Variants in SLC35F2 observed in about 807,000 individuals in gnomAD.
SLC35F2 encodes queuine/queuosine transporter SLC35F2.
A neutral mutation model predicts 38.1 loss-of-function variants in SLC35F2; 25 were observed. The observed-to-expected ratio is 0.66, with a 90% CI of 0.48 to 0.92. The LOEUF is 0.92. Ranked by LOEUF, SLC35F2 falls within the 40% of genes least tolerant of loss-of-function variation. The pLI is 0.00. For missense variants in SLC35F2, 409 were observed against 452.9 expected, an observed-to-expected ratio of 0.90 and a Z score of 0.88; for synonymous variants, 173 against 181.7, an observed-to-expected ratio of 0.95 and a Z score of 0.38.
At chr11:107,807,302 A>G (rs1412996860) in intron 3 of SLC35F2, among the ~76,000 whole-genome samples, 1 of 143,984 alleles carries the variant, frequency 6.9e-6, no homozygotes, top group African/African-American at 2.6e-5. Flanking sequence ...ACAAAAAAAA[A>G]CCTTGGGTGT....
At chr11:107,805,246 C>A (rs1859373246) in intron 5 of SLC35F2, 113 bp downstream of exon 5, 1 of 1,402,670 alleles carries the variant, frequency 7.1e-7, no homozygotes, top group Non-Finnish European at 9.4e-7. Context: ...CTTGCATCCA[C>A]CTAATACTAA....
Position 107,831,572 on chromosome 11 carries a change from G to A in SLC35F2, c.111-15607C>T, listed in dbSNP as rs77426860. On this transcript the variant is annotated intron_variant, in intron 1 of 7. Transcript: ENST00000525815. ...GCAAGGCAGATACAAAATTATCTTC[G>A]TGAAGTGGGGGGACATGTAATTTCT... Among the ~76,000 whole-genome samples, 1,468 of 152,078 alleles carry A rather than the reference G, an allele frequency of 9.7e-3. 24 individuals carry two copies. Among genetic ancestry groups the A allele is most frequent in the African/African-American group, 0.032 (1,337 of 41,356 alleles).
At chr11:107,836,780 G>A (rs1591204119) in intron 1 of SLC35F2, among the ~76,000 whole-genome samples, 1 of 152,148 alleles carries the variant, frequency 6.6e-6, no homozygotes, top group Admixed American at 6.5e-5. Flanking sequence ...TATTAAATTG[G>A]TGTTGTTTTA....
intron 7 of SLC35F2, among the ~76,000 whole-genome samples, chr11:107,798,675 T>C (rs757327894): frequency 6.6e-5 from 10 of 152,198 alleles, no homozygotes; most frequent in Non-Finnish European, 1.5e-5. Flanking sequence ...GCGTAAAAAA[T>C]TCTGAGCCTC....
chr11:107,809,675 T>G (rs1158270248), intron 3 of SLC35F2: 2 of 982,644 alleles, frequency 2.0e-6, no homozygotes, highest in African/African-American at 3.5e-5. Flanking sequence ...CTTCTCTGTT[T>G]CAGTTCGAAG....
chr11:107,840,724 G>C (rs1860002214), intron 1 of SLC35F2: 1 of 152,154 alleles, frequency 6.6e-6, no homozygotes, highest in African/African-American at 2.4e-5. Flanking sequence ...GTCTCTCTGT[G>C]GTTTGGCAGC....
At chr11:107,815,684 A>G (rs1424995318) in intron 2 of SLC35F2, 106 bp downstream of exon 2, 9 of 1,257,168 alleles carry the variant, frequency 7.2e-6, no homozygotes, top group African/African-American at 1.5e-5. Flanking sequence ...AGAATTGTGC[A>G]TAAGTCTCCA....
chr11:107,807,568 TTTA>T (rs1021186672), intron 3 of SLC35F2, among the ~76,000 whole-genome samples: 1 of 113,758 alleles, frequency 8.8e-6, no homozygotes, highest in Non-Finnish European at 1.8e-5. Context: ...TTTCTTTTAT[TTTA>T]TTATTATTAT....
At chr11:107,838,614 T>G (rs1470667172) in intron 1 of SLC35F2, among the ~76,000 whole-genome samples, 1 of 108,954 alleles carries the variant, frequency 9.2e-6, no homozygotes, top group Non-Finnish European at 1.9e-5. Context: ...CGTGAGCCAC[T>G]TTGCCCGGCC....
Position 107,850,679 on chromosome 11 carries a change from G to A in SLC35F2, c.110+7979C>T, listed in dbSNP as rs112375876. Among the ~76,000 whole-genome samples, 813 of 151,424 alleles carry A rather than the reference G, an allele frequency of 5.4e-3. 5 individuals are homozygous for A. The highest frequency in any genetic ancestry group is 0.019 in the African/African-American group (768 of 41,202). ...TCTACTAAAGATACAAAAATTAGCC[G>A]AACGTGGTGGCAGGTGCCTGTAATC... On this transcript the variant is annotated intron_variant, in intron 1 of 7. Transcript: ENST00000525815.
At chr11:107,850,528 T>A (rs545034804) in intron 1 of SLC35F2, among the ~76,000 whole-genome samples, 7 of 152,004 alleles carry the variant, frequency 4.6e-5, no homozygotes, top group Non-Finnish European at 7.4e-5. Context: ...CCCCAACAAA[T>A]AGTCAACTCA....
chr11:107,822,786 T>C (rs1227079201), intron 1 of SLC35F2, among the ~76,000 whole-genome samples: 1 of 152,034 alleles, frequency 6.6e-6, no homozygotes, highest in Non-Finnish European at 1.5e-5. Flanking sequence ...GAGTTGTGCA[T>C]GCAGCCAAGG....
intron 5 of SLC35F2, 116 bp downstream of exon 5, chr11:107,805,243 C>A: frequency 7.3e-7 from 1 of 1,376,188 alleles, no homozygotes; most frequent in Non-Finnish European, 9.6e-7. Context: ...ACTCTTGCAT[C>A]CACCTAATAC....
rs1859338515 is a variant in SLC35F2 at position 107,803,093 on chromosome 11, T to C, written c.847A>G (p.Ile283Val). ...ACGGAAGTGGCACTAGTGACTTTAA[T>C]CACCAATGGCATGAAGCTGTACAGG... ...FCLYSFMPLV[I>V]KVTSATSVNL... Residue 283 changes from isoleucine to valine, a missense_variant, in exon 7 of 8, where the codon ATT (isoleucine) becomes GTT (valine). Physicochemically the swap from Ile to Val is conservative, Grantham distance 29 (BLOSUM62 3). Coordinates refer to ENST00000525815, the MANE Select transcript of SLC35F2 (RefSeq NM_017515.5). 6.2e-7 allele frequency: 1 copy of C among 1,613,844 alleles called. No homozygotes were observed. The highest frequency in any genetic ancestry group is 1.1e-5 in the South Asian group (1 of 91,074).
intron 1 of SLC35F2, among the ~76,000 whole-genome samples, chr11:107,827,296 G>T (rs1859767341): frequency 6.6e-6 from 1 of 152,068 alleles, no homozygotes; most frequent in African/African-American, 2.4e-5. Flanking sequence ...CCTAGATAAT[G>T]GCAACTAAAT....
intron 1 of SLC35F2, among the ~76,000 whole-genome samples, chr11:107,833,094 A>T (rs1859873913): frequency 6.6e-6 from 1 of 152,228 alleles, no homozygotes; most frequent in Admixed American, 6.5e-5. Context: ...ATGCTAATGG[A>T]CGCCATCAGA....
intron 7 of SLC35F2, among the ~76,000 whole-genome samples, chr11:107,798,371 C>T (rs1859252999): frequency 6.6e-6 from 1 of 152,134 alleles, no homozygotes; most frequent in African/African-American, 2.4e-5. Context: ...TGTGAAAACA[C>T]CTATATAACT....
intron 1 of SLC35F2, among the ~76,000 whole-genome samples, chr11:107,851,075 C>T (rs966706086): frequency 1.3e-5 from 2 of 151,758 alleles, no homozygotes; most frequent in South Asian, 2.1e-4. Flanking sequence ...CCAGCCTGGC[C>T]AATATGGTGA....
intron 7 of SLC35F2, among the ~76,000 whole-genome samples, chr11:107,801,660 A>C (rs1358903068): frequency 6.6e-6 from 1 of 152,016 alleles, no homozygotes; most frequent in Non-Finnish European, 1.5e-5. Flanking sequence ...GAGAACTGCT[A>C]AACTGCTGCC....
Sources: allele counts gnomAD v4.1 joint callset (sites outside exome capture counted in the v4.1 genomes callset), GRCh38; gene constraint gnomAD v4.1.1; transcripts MANE v1.5; gene names NCBI Gene and HGNC (gene_info 2026-07-23, HGNC 2026-07-21).